HTR4: variants seen among roughly 807,000 people sequenced by gnomAD.
The protein encoded by HTR4 is 5-hydroxytryptamine receptor 4.
HTR4 carries 16 observed loss-of-function variants against 36.8 expected under a neutral mutation model. The ratio of observed to expected loss-of-function variants is 0.43; its 90% CI spans 0.29 to 0.66. The LOEUF is 0.66. HTR4 is among the 30% of genes least tolerant of loss of function. The pLI is 0.13. For synonymous variants in HTR4, 189 were observed against 185.1 expected (o/e 1.02, Z -0.17); for missense variants, 438 against 490.9 (o/e 0.89, Z 1.02).
intron 2 of HTR4, among the ~76,000 whole-genome samples, chr5:148,610,537 C>G (rs1049057393): frequency 3.9e-5 from 6 of 152,010 alleles, no homozygotes; most frequent in Admixed American, 3.9e-4. Flanking sequence ...ACATCACCAT[C>G]ATCAAAGACC....
At chr5:148,500,148 T>C (rs1756872850) in intron 6 of HTR4, among the ~76,000 whole-genome samples, 1 of 152,196 alleles carries the variant, frequency 6.6e-6, no homozygotes, top group African/African-American at 2.4e-5. Flanking sequence ...TCACATTTCA[T>C]TTAAGATTTC....
At chr5:148,555,229 C>A (rs1759892034) in intron 2 of HTR4, among the ~76,000 whole-genome samples, 1 of 152,060 alleles carries the variant, frequency 6.6e-6, no homozygotes, top group South Asian at 2.1e-4. Flanking sequence ...ATCAACACCA[C>A]CACCACCATA....
intron 5 of HTR4, among the ~76,000 whole-genome samples, chr5:148,454,915 C>G (rs1011441746): frequency 2.6e-5 from 4 of 152,156 alleles, no homozygotes; most frequent in African/African-American, 9.7e-5. Context: ...AGTCTTCAAA[C>G]AAGGGCTCAG....
chr5:148,602,829 A>G (rs1762047047), intron 2 of HTR4, among the ~76,000 whole-genome samples: 1 of 152,170 alleles, frequency 6.6e-6, no homozygotes, highest in Admixed American at 6.5e-5. Flanking sequence ...AGATTCTACA[A>G]ACATCACAAA....
At position 148,632,411 on chromosome 5, in the gene HTR4, C is replaced by G. The variant is rs187034682; in HGVS notation, c.26+4578G>C. ...GTCATTTCGTGGAGAAGAAGCCGAT[C>G]CTTAAATGAGGTTGTTCTTATTAAA... is the stretch of plus-strand genomic sequence containing the variant. On this transcript the variant is annotated intron_variant, in intron 2 of 6. Transcript: ENST00000377888. Among the ~76,000 whole-genome samples the G allele has an allele frequency of 2.0e-5, 3 of 152,154 alleles. No individual in the cohort carries two copies. In the East Asian group the frequency reaches 5.8e-4, roughly 29 times the overall value.
chr5:148,644,487 C>G (rs1241494055), intron 1 of HTR4, among the ~76,000 whole-genome samples: 1 of 127,316 alleles, frequency 7.9e-6, no homozygotes, highest in Non-Finnish European at 1.6e-5. Flanking sequence ...GTTGGGACCC[C>G]AAGAAGCAGA....
chr5:148,574,780 A>C (rs1036575984), intron 2 of HTR4, among the ~76,000 whole-genome samples: 13 of 152,064 alleles, frequency 8.5e-5, no homozygotes, highest in Non-Finnish European at 1.5e-4. Flanking sequence ...TGCTCAGGGA[A>C]ATCATTTATC....
At position 148,550,118 on chromosome 5, in the gene HTR4, G is replaced by A. The variant is rs1335333801; in HGVS notation, c.152+19C>T. 3 of 1,613,334 alleles carry A rather than the reference G, an allele frequency of 1.9e-6. No homozygotes were observed. The highest frequency in any genetic ancestry group is 1.7e-5 in the Admixed American group (1 of 59,980). ...CAGAACTCCCATGTTTCCTCAAAAGGTTCCCTCCTGCTGCTCACCTGAGCT... is the reference window on the plus strand; with the variant it reads ...CAGAACTCCCATGTTTCCTCAAAAGATTCCCTCCTGCTGCTCACCTGAGCT... On this transcript the variant is annotated intron_variant, in intron 3 of 6. Coordinates refer to ENST00000377888, the MANE Select transcript of HTR4 (RefSeq NM_000870.7).
chr5:148,533,702 G>T (rs887049423), intron 4 of HTR4, among the ~76,000 whole-genome samples: 1 of 152,164 alleles, frequency 6.6e-6, no homozygotes, highest in African/African-American at 2.4e-5. Flanking sequence ...TAACTCCTTA[G>T]TAGCTCTGTG....
intron 2 of HTR4, among the ~76,000 whole-genome samples, chr5:148,634,976 T>C (rs925149787): frequency 6.6e-6 from 1 of 152,086 alleles, no homozygotes; most frequent in African/African-American, 2.4e-5. Context: ...AGAAAAAGGG[T>C]GTCTAGACTT....
chr5:148,505,805 C>T (rs572117059), intron 6 of HTR4, among the ~76,000 whole-genome samples: 1 of 152,222 alleles, frequency 6.6e-6, no homozygotes, highest in East Asian at 1.9e-4. Context: ...ACCTAGGAAT[C>T]CAACTCACAA....
At chr5:148,627,493 A>G (rs1043432169) in intron 2 of HTR4, among the ~76,000 whole-genome samples, 6 of 152,350 alleles carry the variant, frequency 3.9e-5, no homozygotes, top group African/African-American at 1.2e-4. Flanking sequence ...CGTCAGTTAC[A>G]CTGTTGATAG....
At chr5:148,467,209 G>C (rs537506929) in intron 5 of HTR4, among the ~76,000 whole-genome samples, 2 of 152,134 alleles carry the variant, frequency 1.3e-5, no homozygotes, top group African/African-American at 4.8e-5. Flanking sequence ...ATGTTCCTGC[G>C]TGGAGCTAGA....
At chr5:148,576,862 C>G (rs1231575151) in intron 2 of HTR4, among the ~76,000 whole-genome samples, 1 of 151,936 alleles carries the variant, frequency 6.6e-6, no homozygotes, top group Non-Finnish European at 1.5e-5. Context: ...AAAACTATAA[C>G]AAACATGGAA....
intron 5 of HTR4, among the ~76,000 whole-genome samples, chr5:148,516,729 A>G (rs1757778231): frequency 6.7e-6 from 1 of 150,030 alleles, no homozygotes; most frequent in African/African-American, 2.5e-5. Context: ...TTGGCCATTT[A>G]GTCTTGCTTC....
chr5:148,641,444 C>A (rs555265927), intron 1 of HTR4, among the ~76,000 whole-genome samples: 3 of 152,304 alleles, frequency 2.0e-5, no homozygotes, highest in East Asian at 3.9e-4. Flanking sequence ...GGAAAAAGAT[C>A]ATGGCAAGTT....
intron 4 of HTR4, among the ~76,000 whole-genome samples, chr5:148,532,499 T>C (rs1002025339): frequency 6.6e-5 from 10 of 152,216 alleles, no homozygotes; most frequent in Admixed American, 2.0e-4. Flanking sequence ...GTTTTGGAGA[T>C]GTGAACAGGC....
intron 2 of HTR4, among the ~76,000 whole-genome samples, chr5:148,614,778 C>T (rs1238285172): frequency 3.9e-5 from 6 of 152,120 alleles, no homozygotes; most frequent in African/African-American, 1.2e-4. Context: ...TCACAACCTA[C>T]TCATCTGACA....
intron 4 of HTR4, among the ~76,000 whole-genome samples, chr5:148,537,454 G>T (rs1465044606): frequency 6.6e-6 from 1 of 152,050 alleles, no homozygotes; most frequent in Non-Finnish European, 1.5e-5. Flanking sequence ...CCAGAAGTTA[G>T]GTTTTTGAAA....
Sources: allele counts gnomAD v4.1 joint callset (sites outside exome capture counted in the v4.1 genomes callset), GRCh38; gene constraint gnomAD v4.1.1; transcripts MANE v1.5; gene names NCBI Gene and HGNC (gene_info 2026-07-23, HGNC 2026-07-21).